The following FOXP2 variants were observed in gnomAD, a reference collection of about 807,000 sequenced individuals.
FOXP2 encodes forkhead box P2.
A neutral mutation model predicts 115.8 loss-of-function variants in FOXP2; 12 were observed. The observed-to-expected ratio is 0.10, with a 90% confidence interval of 0.07 to 0.17. FOXP2 has a LOEUF of 0.17. FOXP2 is among the 10% of genes least tolerant of loss of function. The pLI, the probability that FOXP2 is intolerant of heterozygous loss-of-function variation, is 1.00. For synonymous variants in FOXP2, 328 were observed against 297.7 expected (o/e 1.10, Z -1.05); for missense variants, 629 against 843.5 (o/e 0.75, Z 3.15).
chr7:114,263,062 C>T (rs765628324), intron 1 of FOXP2, among the ~76,000 whole-genome samples: 4 of 152,120 alleles, frequency 2.6e-5, no homozygotes, highest in Non-Finnish European at 4.4e-5. Context: ...TTTTGACAAA[C>T]AACTCTTTAT....
chr7:114,564,138 T>C (rs1800886004), intron 3 of FOXP2, among the ~76,000 whole-genome samples: 1 of 152,206 alleles, frequency 6.6e-6, no homozygotes, highest in Admixed American at 6.5e-5. Flanking sequence ...AGTCCTAATC[T>C]TTCTAGCCTT....
chr7:114,573,888 G>A (rs1187724401), intron 3 of FOXP2, among the ~76,000 whole-genome samples: 2 of 151,650 alleles, frequency 1.3e-5, no homozygotes, highest in Non-Finnish European at 3.0e-5. Flanking sequence ...ATATTAAACA[G>A]GGGTCAAAAG....
intron 1 of FOXP2, among the ~76,000 whole-genome samples, chr7:114,132,576 TGTGTGTGA>T (rs1241579041): frequency 3.6e-4 from 24 of 67,244 alleles, no homozygotes; most frequent in African/African-American, 8.5e-4. Flanking sequence ...TGTGTGTGTG[TGTGTGTGA>T]GAGAGAGAGA....
chr7:114,657,465 G>A (rs1457169054), intron 10 of FOXP2, among the ~76,000 whole-genome samples: 1 of 152,130 alleles, frequency 6.6e-6, no homozygotes, highest in African/African-American at 2.4e-5. Flanking sequence ...TCTCCAATCA[G>A]ATTTAATTTG....
At chr7:114,482,127 G>T (rs1329018942) in intron 2 of FOXP2, among the ~76,000 whole-genome samples, 2 of 151,326 alleles carry the variant, frequency 1.3e-5, no homozygotes, top group African/African-American at 4.8e-5. Context: ...GAGAGAGAGG[G>T]ATTGTCTTGT....
intron 2 of FOXP2, among the ~76,000 whole-genome samples, chr7:114,318,255 C>T (rs1332640365): frequency 6.6e-6 from 1 of 151,938 alleles, no homozygotes; most frequent in Non-Finnish European, 1.5e-5. Flanking sequence ...TCTGGAAATG[C>T]TTCTCCTGGA....
At chr7:114,526,991 A>ATTTTTTTTTTTTTTTTTTTTTT (rs200748852) in intron 2 of FOXP2, among the ~76,000 whole-genome samples, 1 of 128,846 alleles carries the variant, frequency 7.8e-6, no homozygotes. Context: ...CCACTAATCT[A>ATTTTTTTTTTTTTTTTTTTTTT]TTTTTTTTTT....
intron 1 of FOXP2, among the ~76,000 whole-genome samples, chr7:114,109,636 T>G (rs1300082822): frequency 6.6e-6 from 1 of 152,140 alleles, no homozygotes; most frequent in Non-Finnish European, 1.5e-5. Flanking sequence ...ATATTAACTT[T>G]TAATCATAAA....
intron 1 of FOXP2, among the ~76,000 whole-genome samples, chr7:114,420,256 G>A (rs960017034): frequency 7.2e-5 from 11 of 151,854 alleles, no homozygotes; most frequent in African/African-American, 2.7e-4. Context: ...TCCAGCCTTT[G>A]GGAATTTGAC....
intron 2 of FOXP2, among the ~76,000 whole-genome samples, chr7:114,372,313 A>T (rs1792032410): frequency 6.6e-6 from 1 of 152,188 alleles, no homozygotes; most frequent in Admixed American, 6.5e-5. Context: ...CCCAAAGATC[A>T]TATAATGGGA....
At position 114,663,436 on chromosome 7, in the gene FOXP2, A is replaced by ATTTT; in HGVS notation, c.1770-7_1770-4dup. The ATTTT allele has an allele frequency of 7.1e-7, 1 of 1,409,124 alleles. No homozygotes were observed. Among genetic ancestry groups the ATTTT allele is most frequent in the Non-Finnish European group, 9.9e-7 (1 of 1,009,316 alleles). The allele number at this position is 1,409,124 out of a possible 1,614,324, so 87.3% of individuals were successfully genotyped here. On this transcript the variant is annotated splice_polypyrimidine_tract_variant and intron_variant, in intron 14 of 16. Transcript: ENST00000350908. ...TTTGACGTATAAATGATCTTTATAT[A>ATTTT]TTTTTTTTTTCAGAAGTCCAACCTT...
intron 1 of FOXP2, among the ~76,000 whole-genome samples, chr7:114,107,843 G>C (rs1791159469): frequency 6.6e-6 from 1 of 151,828 alleles, no homozygotes; most frequent in Admixed American, 6.6e-5. Context: ...TCACGGTCTG[G>C]TCCTGCCCTA....
chr7:114,193,068 G>A (rs1793805575), intron 1 of FOXP2, among the ~76,000 whole-genome samples: 1 of 152,010 alleles, frequency 6.6e-6, no homozygotes, highest in African/African-American at 2.4e-5. Context: ...ATTATTTATA[G>A]TAGATATTTT....
At chr7:114,099,232 C>A (rs142631081) in intron 1 of FOXP2, among the ~76,000 whole-genome samples, 46 of 152,068 alleles carry the variant, frequency 3.0e-4, no homozygotes, top group African/African-American at 1.0e-3. Flanking sequence ...AGACATTTCT[C>A]CAAAGAAGAC....
intron 2 of FOXP2, among the ~76,000 whole-genome samples, chr7:114,529,699 A>C (rs1171338377): frequency 6.6e-6 from 1 of 151,846 alleles, no homozygotes; most frequent in Non-Finnish European, 1.5e-5. Flanking sequence ...AAAAAATAAA[A>C]GGTCAATAGC....
chr7:114,353,800 C>T (rs1464444385), intron 2 of FOXP2, among the ~76,000 whole-genome samples: 1 of 152,108 alleles, frequency 6.6e-6, no homozygotes, highest in Non-Finnish European at 1.5e-5. Flanking sequence ...AGCTCATAGT[C>T]TTCTGCCCCA....
At chr7:114,386,092 C>T (rs1027855191) in intron 2 of FOXP2, among the ~76,000 whole-genome samples, 29 of 152,276 alleles carry the variant, frequency 1.9e-4, no homozygotes, top group East Asian at 5.8e-4. Flanking sequence ...GGAGTCTCGC[C>T]GTATCAGGAG....
chr7:114,427,071 A>G lies in FOXP2; in HGVS notation c.168+392A>G, dbSNP rs117495500. Reference sequence around the variant, plus strand: ...CAATGAATTTCTTCAAGTCTGAGCTAAGGTGAAAAGGACCACAAGGACTTT... The same window carrying G: ...CAATGAATTTCTTCAAGTCTGAGCTGAGGTGAAAAGGACCACAAGGACTTT... On this transcript the variant is annotated intron_variant, in intron 2 of 16. Coordinates refer to ENST00000350908, the MANE Select transcript of FOXP2 (RefSeq NM_014491.4). Among the ~76,000 whole-genome samples, 70 of 151,832 alleles carry G rather than the reference A, an allele frequency of 4.6e-4. 3 individuals carry two copies. In the East Asian group the frequency reaches 0.014, roughly 30 times the overall value.
intron 3 of FOXP2, among the ~76,000 whole-genome samples, chr7:114,608,701 C>A (rs1019629304): frequency 3.3e-5 from 5 of 152,140 alleles, no homozygotes; most frequent in South Asian, 2.1e-4. Context: ...TCACCACTGA[C>A]CGAAGTAATA....
Sources: gnomAD v4.1 joint callset for allele counts (sites outside exome capture counted in the v4.1 genomes callset) on GRCh38, gnomAD v4.1.1 for gene constraint, MANE v1.5 for transcripts, NCBI Gene and HGNC (gene_info 2026-07-23, HGNC 2026-07-21) for gene names.